Variants in DISC1 observed in about 807,000 individuals in gnomAD.
DISC1 encodes the protein DISC1 scaffold protein.
In DISC1, 57 loss-of-function variants were observed where a neutral mutation model predicts 84.5. The observed-to-expected ratio is 0.67, with a 90% CI of 0.55 to 0.84. The LOEUF (loss-of-function observed/expected upper bound fraction) is 0.84, where lower values mean the gene tolerates loss of function less well. Among genes scored for constraint, DISC1 ranks in the 40% least tolerant of loss-of-function variants. The pLI is 0.00. For missense variants in DISC1, 1,000 were observed against 1,057.8 expected (o/e 0.95, Z 0.76); for synonymous variants, 411 against 415.2 (o/e 0.99, Z 0.12).
At chr1:231,825,379 A>G (rs966163002) in intron 9 of DISC1, among the ~76,000 whole-genome samples, 2 of 152,094 alleles carry the variant, frequency 1.3e-5, no homozygotes, top group Non-Finnish European at 2.9e-5. Flanking sequence ...TATCTGCCAG[A>G]TTTTCTGCTT....
intron 5 of DISC1, among the ~76,000 whole-genome samples, chr1:231,770,278 C>T (rs555905878): frequency 2.0e-4 from 16 of 79,062 alleles, no homozygotes; most frequent in East Asian, 6.4e-4. Flanking sequence ...TTGCTATATT[C>T]GTAGAAATTA....
chr1:231,730,797 C>A (rs2125174158), intron 3 of DISC1, among the ~76,000 whole-genome samples: 1 of 152,302 alleles, frequency 6.6e-6, no homozygotes, highest in East Asian at 1.9e-4. Flanking sequence ...CATTTATCAG[C>A]TGTGCACCTA....
chr1:231,971,298 G>A (rs200155333), intron 10 of DISC1, among the ~76,000 whole-genome samples: 2 of 152,096 alleles, frequency 1.3e-5, no homozygotes, highest in Non-Finnish European at 2.9e-5. Flanking sequence ...AGGAAGCGTC[G>A]TCAAGATTGT....
chr1:231,794,248 T>TC (rs2078580830), intron 6 of DISC1, among the ~76,000 whole-genome samples: 1 of 6,290 alleles, frequency 1.6e-4, no homozygotes, highest in Non-Finnish European at 3.6e-4. Flanking sequence ...AATTTCATTC[T>TC]CTTTTTTTTT....
At chr1:231,731,038 T>C (rs1163793191) in intron 3 of DISC1, among the ~76,000 whole-genome samples, 1 of 152,218 alleles carries the variant, frequency 6.6e-6, no homozygotes, top group Non-Finnish European at 1.5e-5. Context: ...CACATTTCCC[T>C]GTATAACCCC....
intron 12 of DISC1, among the ~76,000 whole-genome samples, chr1:232,027,807 G>GTC (rs967639039): frequency 1.3e-5 from 2 of 151,666 alleles, no homozygotes; most frequent in African/African-American, 4.9e-5. Flanking sequence ...GTGTGTGTGT[G>GTC]TGTGTGTGTG....
rs533453388 is a variant in DISC1 at position 232,017,774 on chromosome 1, G to A, written c.2308-8661G>A. ...ACAGCCCCCAGCACAATGTCTGAAA[G>A]AGAGACCTAAAGGGTAACTGCCTGT... On this transcript the variant is annotated intron_variant, in intron 11 of 12. Transcript: ENST00000439617. 3.3e-5 allele frequency among the ~76,000 whole-genome samples: 5 copies of A among 152,308 alleles called. No individual in the cohort carries two copies. In the East Asian group the frequency reaches 9.6e-4, roughly 29 times the overall value.
At chr1:231,850,813 A>G (rs1394421022) in intron 9 of DISC1, among the ~76,000 whole-genome samples, 1 of 152,152 alleles carries the variant, frequency 6.6e-6, no homozygotes, top group African/African-American at 2.4e-5. Context: ...AATTGCCCTG[A>G]TATCTCTTGC....
chr1:231,825,787 G>A (rs1297891976), intron 9 of DISC1, among the ~76,000 whole-genome samples: 1 of 151,908 alleles, frequency 6.6e-6, no homozygotes, highest in Non-Finnish European at 1.5e-5. Context: ...ATGTTGTCAT[G>A]ATCATTAGAA....
chr1:231,734,435 A>G (rs199613012), intron 3 of DISC1, among the ~76,000 whole-genome samples: 30 of 152,146 alleles, frequency 2.0e-4, no homozygotes, highest in Non-Finnish European at 3.1e-4. Context: ...TGTGTTGTCT[A>G]TAAACTGCAA....
intron 3 of DISC1, among the ~76,000 whole-genome samples, chr1:231,707,311 G>A (rs1458725738): frequency 1.3e-5 from 2 of 152,172 alleles, no homozygotes; most frequent in Non-Finnish European, 1.5e-5. Context: ...ATGACCACCA[G>A]TGCAATTTCC....
rs1032415955 is a variant in DISC1, at chr1:231,657,138, T to G, written c.67+30204T>G. Reference sequence around the variant, plus strand: ...TTATAACACAATGATTTATATTTTTTGGGGTGTATACCCCGTAATGGGATT... The same window carrying G: ...TTATAACACAATGATTTATATTTTTGGGGGTGTATACCCCGTAATGGGATT... On this transcript the variant is annotated intron_variant, in intron 1 of 12. Transcript: ENST00000439617. 1.2e-4 allele frequency among the ~76,000 whole-genome samples: 19 copies of G among 152,360 alleles called. No homozygotes were observed. The East Asian group carries it at 2.7e-3, about 22-fold the overall frequency.
At chr1:231,651,478 C>T (rs565184879) in intron 1 of DISC1, among the ~76,000 whole-genome samples, 176 of 152,202 alleles carry the variant, frequency 1.2e-3, no homozygotes, top group African/African-American at 4.1e-3. Context: ...GAGAGGTGCC[C>T]GCCTGTATGA....
Position 231,750,395 on chromosome 1 carries a change from C to T in DISC1, c.1268+319C>T, listed in dbSNP as rs116500174. 1.6e-3 allele frequency: 1,781 copies of T among 1,131,806 alleles called. 30 individuals carry two copies. In the African/African-American group the frequency reaches 0.026, roughly 17 times the overall value. 70.1% of individuals were successfully genotyped at this position (1,131,806 alleles called of 1,614,324 possible). Reference sequence around the variant, plus strand: ...TGGGGGTAATTTCCTCTTGTTGAGGCAGCTTGGTGTCCTGTGATCATATTA... The same window carrying T: ...TGGGGGTAATTTCCTCTTGTTGAGGTAGCTTGGTGTCCTGTGATCATATTA... On this transcript the variant is annotated intron_variant, in intron 4 of 12. Coordinates refer to ENST00000439617, the MANE Select transcript of DISC1 (RefSeq NM_018662.3).
In DISC1 at chr1:231,861,904, C is replaced by A. The variant is rs76009105; in HGVS notation, c.1981+43387C>A. Among the ~76,000 whole-genome samples, 971 of 152,192 alleles carry A rather than the reference C, an allele frequency of 6.4e-3. 10 individuals carry two copies. Among genetic ancestry groups the A allele is most frequent in the African/African-American group, 0.022 (913 of 41,524 alleles). The stretch of plus-strand genomic sequence containing the variant: ...TATCTATTTACAACAGCGACTAGGA[C>A]CAATAGTGTGCTGTTAAATGCTTAG... On this transcript the variant is annotated intron_variant, in intron 9 of 12. Coordinates refer to ENST00000439617, the MANE Select transcript of DISC1 (RefSeq NM_018662.3).
rs1263315307 is a variant in DISC1, at chr1:231,988,452, G to T, written c.2043-20333G>T. ...CATATATTTGGACCTAATCCCCAGT[G>T]CAATGATGTTAAGAAGTGGCACCTT... On this transcript the variant is annotated intron_variant, in intron 10 of 12. Coordinates refer to ENST00000439617, the MANE Select transcript of DISC1 (RefSeq NM_018662.3). Among the ~76,000 whole-genome samples the T allele has an allele frequency of 2.0e-5, 3 of 152,222 alleles. No homozygotes were observed. The East Asian group carries it at 5.8e-4, about 29-fold the overall frequency.
intron 1 of DISC1, among the ~76,000 whole-genome samples, chr1:231,641,591 C>G (rs756268010): frequency 1.3e-5 from 2 of 152,186 alleles, no homozygotes; most frequent in African/African-American, 2.4e-5. Flanking sequence ...AGAGGGTTGC[C>G]GCTGCTGGCG....
intron 6 of DISC1, among the ~76,000 whole-genome samples, chr1:231,791,046 C>T (rs1311126483): frequency 6.6e-6 from 1 of 152,210 alleles, no homozygotes; most frequent in African/African-American, 2.4e-5. Flanking sequence ...CCAGGCTCAT[C>T]TGCTGCTGAT....
intron 9 of DISC1, among the ~76,000 whole-genome samples, chr1:231,819,630 C>T (rs190889223): frequency 2.1e-4 from 32 of 152,166 alleles, no homozygotes; most frequent in African/African-American, 7.5e-4. Flanking sequence ...AGAGACAGTA[C>T]GTTTGAGGCT....
Sources: gnomAD v4.1 joint callset for allele counts (sites outside exome capture counted in the v4.1 genomes callset) on GRCh38, gnomAD v4.1.1 for gene constraint, MANE v1.5 for transcripts, NCBI Gene and HGNC (gene_info 2026-07-23, HGNC 2026-07-21) for gene names.